IMMP2L: variants seen among roughly 807,000 people sequenced by gnomAD.
IMMP2L encodes inner mitochondrial membrane peptidase subunit 2.
Under a neutral mutation model 19.3 loss-of-function variants are expected in IMMP2L, and 18 were observed. That is an observed-to-expected ratio of 0.93 (90% CI 0.64 to 1.38). IMMP2L has a LOEUF of 1.38. Ranked by LOEUF, IMMP2L falls within the 40% of genes most tolerant of loss-of-function variation. The probability of loss-of-function intolerance (pLI) is 0.00; values close to 1 mark genes in which losing one functional copy is unlikely to be tolerated. For missense variants in IMMP2L, 233 were observed against 218.2 expected, an observed-to-expected ratio of 1.07 and a Z score of -0.43; for synonymous variants, 76 against 73.0, an observed-to-expected ratio of 1.04 and a Z score of -0.21.
intron 3 of IMMP2L, among the ~76,000 whole-genome samples, chr7:111,344,919 G>A (rs1475604469): frequency 3.3e-5 from 5 of 152,050 alleles, no homozygotes; most frequent in Non-Finnish European, 7.4e-5. Flanking sequence ...AAAGGCACCA[G>A]GAAGAGGCCA....
rs1251491501 is a variant in IMMP2L, at chr7:111,325,173, A to G, written c.239+162065T>C. On this transcript the variant is annotated intron_variant, in intron 3 of 5. Transcript: ENST00000405709. The stretch of plus-strand genomic sequence containing the variant: ...TATAAGATTTTAGTTACAAAATAAT[A>G]TATGTTTTCATAGCTGTATATTCTT... Among the ~76,000 whole-genome samples, 4 of 151,896 alleles carry G rather than the reference A, an allele frequency of 2.6e-5. No homozygotes were observed. The East Asian group carries it at 7.7e-4, about 29-fold the overall frequency.
intron 1 of IMMP2L, among the ~76,000 whole-genome samples, chr7:111,536,565 CG>C (rs1310689732): frequency 6.6e-6 from 1 of 152,104 alleles, no homozygotes. Flanking sequence ...CCTCAGCCTC[CG>C]GAAGTGCTGG....
intron 1 of IMMP2L, among the ~76,000 whole-genome samples, chr7:111,536,308 G>GT (rs1218927671): frequency 6.6e-6 from 1 of 151,836 alleles, no homozygotes; most frequent in Non-Finnish European, 1.5e-5. Context: ...GTTTTTTGTT[G>GT]TTTTTTGGGG....
intron 1 of IMMP2L, among the ~76,000 whole-genome samples, chr7:111,550,558 G>C (rs1849357113): frequency 1.3e-5 from 2 of 152,056 alleles, no homozygotes; most frequent in Admixed American, 1.3e-4. Context: ...AGGGCAGGGA[G>C]TAAATGGGAT....
chr7:111,269,593 T>G (rs1344358487), intron 3 of IMMP2L, among the ~76,000 whole-genome samples: 2 of 152,158 alleles, frequency 1.3e-5, no homozygotes, highest in African/African-American at 2.4e-5. Flanking sequence ...TTCTTCTGTA[T>G]GTATATGATG....
At chr7:110,732,285 T>C (rs1796321301) in intron 5 of IMMP2L, among the ~76,000 whole-genome samples, 1 of 152,258 alleles carries the variant, frequency 6.6e-6, no homozygotes, top group Non-Finnish European at 1.5e-5. Context: ...ATGTCAAGCA[T>C]ATTCATTTTA....
chr7:111,237,823 T>G (rs2129627659), intron 3 of IMMP2L, among the ~76,000 whole-genome samples: 1 of 152,116 alleles, frequency 6.6e-6, no homozygotes, highest in South Asian at 2.1e-4. Flanking sequence ...AGCTCTAAAG[T>G]AAAATAGCCT....
At chr7:111,324,880 A>C (rs1325557883) in intron 3 of IMMP2L, among the ~76,000 whole-genome samples, 1 of 151,878 alleles carries the variant, frequency 6.6e-6, no homozygotes, top group Admixed American at 6.6e-5. Context: ...ACAACTGCTC[A>C]ACATTTGGTT....
At chr7:110,716,933 G>C (rs116868951) in intron 5 of IMMP2L, among the ~76,000 whole-genome samples, 1 of 152,150 alleles carries the variant, frequency 6.6e-6, no homozygotes, top group African/African-American at 2.4e-5. Context: ...ACTGAAACTG[G>C]AAACCTAAAA....
At chr7:111,282,314 T>A (rs541194835) in intron 3 of IMMP2L, among the ~76,000 whole-genome samples, 1 of 152,194 alleles carries the variant, frequency 6.6e-6, no homozygotes, top group Non-Finnish European at 1.5e-5. Context: ...TGAAGAAATA[T>A]CTGTTCTTAC....
intron 2 of IMMP2L, among the ~76,000 whole-genome samples, chr7:111,507,555 T>TC (rs1845044095): frequency 6.6e-6 from 1 of 152,128 alleles, no homozygotes; most frequent in Non-Finnish European, 1.5e-5. Context: ...TTGTTTGCCA[T>TC]TTGTCCAGCG....
chr7:111,070,309 A>T (rs2129575289), intron 3 of IMMP2L, among the ~76,000 whole-genome samples: 1 of 152,322 alleles, frequency 6.6e-6, no homozygotes. Context: ...AACATGCTGC[A>T]AAACATTCCA....
At chr7:111,262,531 C>T (rs1174703935) in intron 3 of IMMP2L, among the ~76,000 whole-genome samples, 1 of 152,060 alleles carries the variant, frequency 6.6e-6, no homozygotes, top group Non-Finnish European at 1.5e-5. Flanking sequence ...ACCCCTTGTC[C>T]TCTGGACTTC....
chr7:110,931,312 T>C (rs1201067302), intron 4 of IMMP2L, among the ~76,000 whole-genome samples: 2 of 152,320 alleles, frequency 1.3e-5, no homozygotes, highest in East Asian at 1.9e-4. Context: ...AGGGATGCTA[T>C]TGGCAGCAGC....
intron 3 of IMMP2L, among the ~76,000 whole-genome samples, chr7:111,433,702 T>C (rs1199362133): frequency 6.6e-6 from 1 of 151,536 alleles, no homozygotes; most frequent in Non-Finnish European, 1.5e-5. Flanking sequence ...GAGGATATTA[T>C]AATTCAAGGT....
rs140632274 is a variant in IMMP2L, at chr7:111,208,090, C to T, written c.240-244525G>A. Among the ~76,000 whole-genome samples the T allele has an allele frequency of 5.3e-3, 802 of 152,210 alleles. 10 individuals are homozygous for T. Among genetic ancestry groups the T allele is most frequent in the African/African-American group, 0.018 (741 of 41,542 alleles). On this transcript the variant is annotated intron_variant, in intron 3 of 5. Coordinates refer to ENST00000405709, the MANE Select transcript of IMMP2L (RefSeq NM_032549.4). Reference sequence around the variant, plus strand: ...TTTTACTGTTTTTTCAGTCTTCAGTCAGGACCTAATGGACTCAAACAGAGT... The same window carrying T: ...TTTTACTGTTTTTTCAGTCTTCAGTTAGGACCTAATGGACTCAAACAGAGT...
intron 3 of IMMP2L, among the ~76,000 whole-genome samples, chr7:111,134,779 C>T (rs1214463810): frequency 7.2e-5 from 11 of 152,088 alleles, no homozygotes; most frequent in Admixed American, 5.9e-4. Flanking sequence ...AAAAGCACAT[C>T]ACATCCACCT....
chr7:111,161,530 T>A (rs1437057928), intron 3 of IMMP2L, among the ~76,000 whole-genome samples: 1 of 151,928 alleles, frequency 6.6e-6, no homozygotes, highest in African/African-American at 2.4e-5. Context: ...AACTGATTAC[T>A]CAGTTATGGT....
At chr7:110,689,674 A>T (rs1329624602) in intron 5 of IMMP2L, among the ~76,000 whole-genome samples, 1 of 152,114 alleles carries the variant, frequency 6.6e-6, no homozygotes, top group Non-Finnish European at 1.5e-5. Flanking sequence ...AGTTTTCTGT[A>T]TCCTAATTGT....
Sources: gnomAD v4.1 joint callset for allele counts (sites outside exome capture counted in the v4.1 genomes callset) on GRCh38, gnomAD v4.1.1 for gene constraint, MANE v1.5 for transcripts, NCBI Gene and HGNC (gene_info 2026-07-23, HGNC 2026-07-21) for gene names.